BAZ2B: variants seen among roughly 807,000 people sequenced by gnomAD.
The protein encoded by BAZ2B is bromodomain adjacent to zinc finger domain protein 2B.
In BAZ2B, 91 loss-of-function variants were observed where a neutral mutation model predicts 246.0. The observed-to-expected ratio is 0.37, with a 90% CI of 0.31 to 0.44. The LOEUF is 0.44. Among genes scored for constraint, BAZ2B ranks in the 20% least tolerant of loss-of-function variants. The pLI is 1.00. For synonymous variants in BAZ2B, 855 were observed against 860.0 expected, an observed-to-expected ratio of 0.99 and a Z score of 0.10; for missense variants, 2,332 against 2,533.7, an observed-to-expected ratio of 0.92 and a Z score of 1.71.
chr2:159,447,825 T>C (rs1490473343), intron 5 of BAZ2B, among the ~76,000 whole-genome samples: 1 of 152,146 alleles, frequency 6.6e-6, no homozygotes, highest in African/African-American at 2.4e-5. Context: ...ATAAAACTGT[T>C]ATTAAGGCCG....
intron 2 of BAZ2B, among the ~76,000 whole-genome samples, chr2:159,525,576 C>T (rs1182527677): frequency 1.5e-5 from 2 of 136,302 alleles, no homozygotes; most frequent in African/African-American, 2.6e-5. Context: ...ACCTGGGTAT[C>T]TCCCCTCCCC....
intron 3 of BAZ2B, among the ~76,000 whole-genome samples, chr2:159,474,971 C>T (rs559167010): frequency 1.6e-4 from 25 of 152,324 alleles, no homozygotes; most frequent in African/African-American, 4.8e-4. Context: ...CGACCTTTCT[C>T]TCTGGCTGCC....
intron 2 of BAZ2B, among the ~76,000 whole-genome samples, chr2:159,483,111 C>T (rs958032957): frequency 5.3e-5 from 8 of 152,126 alleles, no homozygotes; most frequent in Admixed American, 4.6e-4. Context: ...CATGACCTCC[C>T]GTCTATAATT....
Position 159,431,064 on chromosome 2 carries a change from C to T in BAZ2B, c.1993G>A (p.Gly665Arg). 3 of 1,614,030 alleles carry T rather than the reference C, an allele frequency of 1.9e-6. No homozygotes were observed. Among genetic ancestry groups the T allele is most frequent in the Non-Finnish European group, 2.5e-6 (3 of 1,179,908 alleles). The change falls in exon 10 of 37, where the codon GGA (glycine) becomes AGA (arginine). Residue 665 changes from glycine to arginine, a missense_variant. By Grantham distance (125) the Gly-to-Arg change is moderately radical. Around this residue, in one of 9 missense-constraint regions of BAZ2B, gnomAD observed 651 missense variants for 650.9 expected, o/e 1.00. Coordinates refer to ENST00000392783, the MANE Select transcript of BAZ2B (RefSeq NM_013450.4). The part of the protein sequence containing the change: ...DQDESDSDTE[G>R]EKTSMKLNKT... ...TTCAGTTTCATTGAAGTTTTCTCTC[C>T]TTCAGTATCACTATCTGATTCATCT... is the stretch of plus-strand genomic sequence containing the variant.
At chr2:159,340,084 C>G (rs1314243986) in intron 31 of BAZ2B, among the ~76,000 whole-genome samples, 9 of 151,940 alleles carry the variant, frequency 5.9e-5, no homozygotes, top group Admixed American at 1.3e-4. Flanking sequence ...AAGAACCAAA[C>G]AGAAGTTCTA....
chr2:159,520,930 C>G (rs528496707), intron 2 of BAZ2B, among the ~76,000 whole-genome samples: 1 of 152,060 alleles, frequency 6.6e-6, no homozygotes, highest in Non-Finnish European at 1.5e-5. Context: ...TACTTTATTA[C>G]CATTCAAAGA....
chr2:159,323,764 C>G (rs2063052653), intron 36 of BAZ2B, among the ~76,000 whole-genome samples: 1 of 150,100 alleles, frequency 6.7e-6, no homozygotes, highest in African/African-American at 2.5e-5. Flanking sequence ...AGATGCACCA[C>G]TGCACTCCAG....
At chr2:159,590,648 A>T (rs1234631673) in intron 1 of BAZ2B, among the ~76,000 whole-genome samples, 1 of 152,174 alleles carries the variant, frequency 6.6e-6, no homozygotes. Flanking sequence ...GAATTAAAAA[A>T]TTTTAAGGCA....
At chr2:159,656,590 A>G in the BAZ2B span, among the ~76,000 whole-genome samples, 1 of 152,166 alleles carries the variant, frequency 6.6e-6, no homozygotes, top group Admixed American at 6.5e-5. Context: ...ATTAAACAGT[A>G]TGTAACCTTT....
intron 2 of BAZ2B, among the ~76,000 whole-genome samples, chr2:159,550,228 A>G (rs1486450802): frequency 6.6e-6 from 1 of 152,204 alleles, no homozygotes; most frequent in African/African-American, 2.4e-5. Context: ...CCAAAAGTGA[A>G]TGGCTCATAC....
intron 1 of BAZ2B, among the ~76,000 whole-genome samples, chr2:159,557,438 A>G (rs1316810533): frequency 3.3e-5 from 5 of 152,064 alleles, no homozygotes; most frequent in Admixed American, 2.6e-4. Flanking sequence ...TGGTGCCCTG[A>G]CTGCATTTCC....
chr2:159,465,895 C>T (rs1314161714), intron 3 of BAZ2B, among the ~76,000 whole-genome samples: 5 of 150,356 alleles, frequency 3.3e-5, no homozygotes, highest in East Asian at 1.9e-4. Context: ...GCCTGGACAA[C>T]AGAGTGAGAC....
At chr2:159,413,631 C>T (rs564255480) in intron 13 of BAZ2B, among the ~76,000 whole-genome samples, 1 of 152,102 alleles carries the variant, frequency 6.6e-6, no homozygotes, top group Non-Finnish European at 1.5e-5. Context: ...TTGTTTGAAC[C>T]AGGGAGGTGG....
the BAZ2B span, among the ~76,000 whole-genome samples, chr2:159,644,506 T>C: frequency 1.3e-5 from 2 of 152,200 alleles, no homozygotes; most frequent in South Asian, 4.1e-4. Context: ...TCTTGCCCCT[T>C]AGGCTAGTGC....
At chr2:159,572,812 A>G (rs527922239) in intron 1 of BAZ2B, among the ~76,000 whole-genome samples, 1 of 152,214 alleles carries the variant, frequency 6.6e-6, no homozygotes, top group Non-Finnish European at 1.5e-5. Flanking sequence ...AAACCAAAAC[A>G]AAAACAAAAA....
the BAZ2B span, among the ~76,000 whole-genome samples, chr2:159,702,076 T>G: frequency 6.6e-6 from 1 of 152,140 alleles, no homozygotes; most frequent in African/African-American, 2.4e-5. Context: ...TGTGTAGATT[T>G]TTTTCACTAC....
intron 3 of BAZ2B, among the ~76,000 whole-genome samples, chr2:159,477,910 T>G (rs1005639958): frequency 1.3e-5 from 2 of 152,086 alleles, no homozygotes; most frequent in African/African-American, 4.8e-5. Context: ...GCAATCTCCA[T>G]CTCCCGGGTT....
rs1466230585 is a variant in BAZ2B at position 159,348,826 on chromosome 2, C to T, written c.5145G>A (p.Gln1715=). ...PSPKPIPEEM[Q]FGWWRIIDPE... ...GGTCAATAATTCTCCACCAACCAAA[C>T]TGCATTTCTAAGTCAAGATAAATAA... The change falls in exon 30 of 37, where the codon CAG becomes CAA. Residue 1715 remains glutamine (Q), a synonymous_variant. Transcript: ENST00000392783. 6.3e-7 allele frequency: 1 copy of T among 1,593,102 alleles called. No homozygotes were observed. Among genetic ancestry groups the T allele is most frequent in the Non-Finnish European group, 8.5e-7 (1 of 1,175,008 alleles).
intron 23 of BAZ2B, 22 bp downstream of exon 23, chr2:159,385,133 A>G (rs1208301798): frequency 6.4e-7 from 1 of 1,572,438 alleles, no homozygotes; most frequent in Non-Finnish European, 8.7e-7. Flanking sequence ...AAAATCACGG[A>G]AAAGCCTGGG....
Sources: allele counts gnomAD v4.1 joint callset (sites outside exome capture counted in the v4.1 genomes callset), GRCh38; gene constraint gnomAD v4.1.1; regional missense constraint gnomAD v4.1.1; transcripts MANE v1.5; gene names NCBI Gene and HGNC (gene_info 2026-07-23, HGNC 2026-07-21).